Variants in NUP205 observed in about 807,000 individuals in gnomAD.
The protein encoded by NUP205 is nuclear pore complex protein Nup205.
A neutral mutation model predicts 253.8 loss-of-function variants in NUP205; 76 were observed. That is an observed-to-expected ratio of 0.30 (90% CI 0.25 to 0.36). The LOEUF (loss-of-function observed/expected upper bound fraction) is 0.36. Ranked by LOEUF, NUP205 falls within the 10% of genes least tolerant of loss-of-function variation. The pLI is 1.00. For missense variants in NUP205, 2,162 were observed against 2,425.5 expected (o/e 0.89, Z 2.28); for synonymous variants, 832 against 850.1 (o/e 0.98, Z 0.37).
chr7:135,606,602 C>T (rs1794090642), intron 20 of NUP205, 149 bp from the exon 21 acceptor site: 1 of 648,242 alleles, frequency 1.5e-6, no homozygotes, highest in East Asian at 2.7e-5. Context: ...TAGGATTCCA[C>T]TTTAAATAAA....
intron 22 of NUP205, among the ~76,000 whole-genome samples, chr7:135,608,921 T>G (rs1235469119): frequency 6.6e-6 from 1 of 151,602 alleles, no homozygotes; most frequent in Admixed American, 6.6e-5. Context: ...GCCAACATGG[T>G]GGAACCCCAT....
chr7:135,617,843 A>G (rs1022703722), intron 27 of NUP205, among the ~76,000 whole-genome samples, 161 bp downstream of exon 27: 1 of 151,154 alleles, frequency 6.6e-6, no homozygotes, highest in South Asian at 2.1e-4. Flanking sequence ...AACTTTTATA[A>G]ACTGAACTAT....
intron 35 of NUP205, among the ~76,000 whole-genome samples, chr7:135,632,442 C>T (rs573906707): frequency 3.3e-5 from 5 of 152,130 alleles, no homozygotes; most frequent in East Asian, 3.9e-4. Flanking sequence ...TATGTAACTA[C>T]GAGGCTACAC....
intron 10 of NUP205, among the ~76,000 whole-genome samples, chr7:135,588,247 C>T (rs1365059288): frequency 7.0e-6 from 1 of 142,142 alleles, no homozygotes; most frequent in Non-Finnish European, 1.6e-5. Context: ...TGGAAGTGAT[C>T]CTCCCGCCTC....
intron 2 of NUP205, among the ~76,000 whole-genome samples, chr7:135,572,653 G>A (rs1221379564): frequency 2.0e-5 from 3 of 152,234 alleles, no homozygotes; most frequent in South Asian, 2.1e-4. Context: ...CCTCCCTCCC[G>A]TGTTCAAGCA....
intron 34 of NUP205, among the ~76,000 whole-genome samples, chr7:135,629,101 A>G (rs1794652470): frequency 6.6e-6 from 1 of 152,222 alleles, no homozygotes; most frequent in African/African-American, 2.4e-5. Flanking sequence ...GAGTTCTGTG[A>G]CCAGACATTA....
Position 135,601,387 on chromosome 7 carries a change from T to C in NUP205, c.2392T>C (p.Tyr798His), listed in dbSNP as rs1354132012. 2.2e-5 allele frequency: 36 copies of C among 1,613,356 alleles called. No homozygotes were observed. Among genetic ancestry groups the C allele is most frequent in the Non-Finnish European group, 3.0e-5 (35 of 1,179,658 alleles). The change falls in exon 17 of 43, where the codon TAT (tyrosine) becomes CAT (histidine). Residue 798 changes from tyrosine (Y) to histidine (H), a missense_variant. Physicochemically the swap from Tyr to His is moderately conservative, Grantham distance 83. Transcript: ENST00000285968. Reference sequence around the variant, plus strand: ...CTATTTAGGAGAAGAAATCATAGCCTATAAGCCACCTGGATTTAGTCTGAT... The same window carrying C: ...CTATTTAGGAGAAGAAATCATAGCCCATAAGCCACCTGGATTTAGTCTGAT... ...VELQGEEIIAYKPPGFSLMYH... is the reference protein window; with the variant it reads ...VELQGEEIIAHKPPGFSLMYH...
chr7:135,592,867 A>G, intron 11 of NUP205, 120 bp from the exon 12 acceptor site: 1 of 720,340 alleles, frequency 1.4e-6, no homozygotes, highest in Non-Finnish European at 2.3e-6. Context: ...AGCCTGGGTG[A>G]CAGTGAGACT....
intron 1 of NUP205, among the ~76,000 whole-genome samples, chr7:135,569,773 A>G (rs1805892372): frequency 1.3e-5 from 2 of 151,998 alleles, no homozygotes; most frequent in Admixed American, 6.6e-5. Flanking sequence ...ATGAGTTTAT[A>G]AAAGTATTCT....
intron 21 of NUP205, 59 bp downstream of exon 21, chr7:135,606,974 A>G: frequency 6.7e-7 from 1 of 1,493,508 alleles, no homozygotes; most frequent in Non-Finnish European, 9.2e-7. Flanking sequence ...CTCAGGGGTC[A>G]CTGATTGCAT....
Position 135,619,179 on chromosome 7 carries a change from C to T in NUP205, c.3964-244C>T, listed in dbSNP as rs370729481. Among the ~76,000 whole-genome samples, 14 of 152,014 alleles carry T rather than the reference C, an allele frequency of 9.2e-5. No homozygotes were observed. In the South Asian group the frequency reaches 2.9e-3, roughly 32 times the overall value. On this transcript the variant is annotated intron_variant, in intron 28 of 42. Transcript: ENST00000285968. The stretch of plus-strand genomic sequence containing the variant: ...AGGAGTTTGAGACCAACCTGGGCAA[C>T]ATAGTGAGATTCCATCTCTACGAGC...
intron 41 of NUP205, 44 bp from the exon 42 acceptor site, chr7:135,646,114 T>C (rs778770523): frequency 2.1e-5 from 26 of 1,239,996 alleles, no homozygotes; most frequent in Non-Finnish European, 3.1e-5. Context: ...GTGTGGTAGA[T>C]AGGTACTTGC....
At chr7:135,585,784 T>C (rs1163374245) in intron 8 of NUP205, among the ~76,000 whole-genome samples, 1 of 152,194 alleles carries the variant, frequency 6.6e-6, no homozygotes, top group Non-Finnish European at 1.5e-5. Flanking sequence ...ACAGGTGATC[T>C]GCCCACCTCG....
intron 1 of NUP205, among the ~76,000 whole-genome samples, chr7:135,564,689 G>C (rs535581165): frequency 2.3e-4 from 35 of 151,950 alleles, no homozygotes; most frequent in Non-Finnish European, 4.6e-4. Flanking sequence ...GAGCCACCTT[G>C]CCTGGCCCTT....
At chr7:135,584,655 T>G (rs1228912358) in intron 7 of NUP205, among the ~76,000 whole-genome samples, 177 bp from the exon 8 acceptor site, 1 of 152,252 alleles carries the variant, frequency 6.6e-6, no homozygotes, top group Non-Finnish European at 1.5e-5. Flanking sequence ...ATTTGGGGTT[T>G]GTGAGTTCTT....
At position 135,602,703 on chromosome 7, in the gene NUP205, A is replaced by G; in HGVS notation, c.2513-102A>G. 3 of 908,332 alleles carry G rather than the reference A, an allele frequency of 3.3e-6. No homozygotes were observed. The South Asian group carries it at 4.8e-5, about 15-fold the overall frequency. 56.3% of individuals were successfully genotyped at this position (908,332 alleles called of 1,614,324 possible). On this transcript the variant is annotated intron_variant, in intron 17 of 42. Transcript: ENST00000285968. ...TGGAAACAAGAGTCTGAATCTCTAG[A>G]TCTGAAAATCTAAAACTTGTCATTT...
rs1296563263 is a variant in NUP205, at chr7:135,570,030, TA to T, written c.29-1074del. ...TTTGAAGCAGATGGTGTTTATGTTTTATATATATATATATATATATATAGAG... is the reference window on the plus strand; with the variant it reads ...TTTGAAGCAGATGGTGTTTATGTTTTTATATATATATATATATATATAGAG... On this transcript the variant is annotated intron_variant, in intron 1 of 42. Coordinates refer to ENST00000285968, the MANE Select transcript of NUP205 (RefSeq NM_015135.3). Among the ~76,000 whole-genome samples the T allele has an allele frequency of 5.7e-3, 310 of 54,054 alleles. 1 individual carries two copies. The highest frequency in any genetic ancestry group is 0.02 in the Middle Eastern group (2 of 102). 35.5% of individuals were successfully genotyped at this position (54,054 alleles called of 152,430 possible). A position where few individuals can be genotyped will look rare whatever the true frequency, so the allele number is the denominator to read the frequency against.
chr7:135,596,163 C>A lies in NUP205; in HGVS notation c.2014-1205C>A, dbSNP rs142972359. Among the ~76,000 whole-genome samples the A allele has an allele frequency of 1.8e-3, 278 of 152,070 alleles. 1 individual carries two copies. Among genetic ancestry groups the A allele is most frequent in the Non-Finnish European group, 2.9e-3 (198 of 67,956 alleles). On this transcript the variant is annotated intron_variant, in intron 13 of 42. Transcript: ENST00000285968. The stretch of plus-strand genomic sequence containing the variant: ...TGGTCAGGCTGGTCTTGAACTTCTC[C>A]CCTCAGGTGATCCGCCTGCCTTGGC...
chr7:135,576,601 A>G (rs1806157855), intron 4 of NUP205, among the ~76,000 whole-genome samples, 187 bp downstream of exon 4: 1 of 152,216 alleles, frequency 6.6e-6, no homozygotes, highest in Non-Finnish European at 1.5e-5. Flanking sequence ...AATAATTTGG[A>G]CCGAGGTGCA....
Sources: allele counts gnomAD v4.1 joint callset (sites outside exome capture counted in the v4.1 genomes callset), GRCh38; gene constraint gnomAD v4.1.1; transcripts MANE v1.5; gene names NCBI Gene and HGNC (gene_info 2026-07-23, HGNC 2026-07-21).